EPYC: variants seen among roughly 807,000 people sequenced by gnomAD.
EPYC encodes the protein epiphycan.
EPYC carries 28 observed loss-of-function variants against 30.1 expected under a neutral mutation model. The ratio of observed to expected loss-of-function variants is 0.93; its 90% CI spans 0.69 to 1.28. The LOEUF (loss-of-function observed/expected upper bound fraction) is 1.28, where lower values mean the gene tolerates loss of function less well. EPYC is among the 50% of genes most tolerant of loss of function. The probability of loss-of-function intolerance (pLI) is 0.00; values close to 1 mark genes in which losing one functional copy is unlikely to be tolerated. For synonymous variants in EPYC, 144 were observed against 141.4 expected (o/e 1.02, Z -0.13); for missense variants, 382 against 383.5 (o/e 1.00, Z 0.03).
chr12:91,002,509 A>C lies in EPYC; in HGVS notation c.57T>G (p.Thr19=). ...AGTTGATGGACTCTAGAGTTGGGGC[A>C]GTCACAGCAGCATCAAAGATGACAA... ...LGLVIFDAAV[T]APTLESINYD... The change falls in exon 2 of 7, where the codon ACT becomes ACG. Residue 19 remains threonine, a synonymous_variant. Transcript: ENST00000261172. The C allele has an allele frequency of 6.2e-7, 1 of 1,613,374 alleles. No homozygotes were observed. Among genetic ancestry groups the C allele is most frequent in the East Asian group, 2.2e-5 (1 of 44,764 alleles).
intron 3 of EPYC, among the ~76,000 whole-genome samples, chr12:90,975,616 C>G (rs1324792684): frequency 6.6e-6 from 1 of 151,994 alleles, no homozygotes; most frequent in Non-Finnish European, 1.5e-5. Context: ...TTGACTCAAG[C>G]TTTTGAAAGG....
chr12:90,989,640 T>C (rs559849591), intron 2 of EPYC, among the ~76,000 whole-genome samples: 18 of 152,126 alleles, frequency 1.2e-4, no homozygotes, highest in Admixed American at 1.1e-3. Context: ...TAAGAGCTGA[T>C]TTTACAGTTT....
intron 2 of EPYC, among the ~76,000 whole-genome samples, chr12:90,980,077 G>A (rs1877290239): frequency 1.3e-5 from 2 of 152,152 alleles, no homozygotes; most frequent in African/African-American, 2.4e-5. Flanking sequence ...TCAGAATGAG[G>A]CAGATTCAGA....
intron 6 of EPYC, among the ~76,000 whole-genome samples, chr12:90,965,744 G>C (rs1164134667): frequency 6.6e-6 from 1 of 151,948 alleles, no homozygotes; most frequent in Non-Finnish European, 1.5e-5. Flanking sequence ...CACCTTAGTC[G>C]TAAGTCTTCT....
At chr12:90,992,744 ATTC>A (rs1877614276) in intron 2 of EPYC, among the ~76,000 whole-genome samples, 3 of 152,214 alleles carry the variant, frequency 2.0e-5, no homozygotes, top group South Asian at 2.1e-4. Flanking sequence ...TCCTAGTTCA[ATTC>A]TTCTTAAATC....
intron 6 of EPYC, among the ~76,000 whole-genome samples, chr12:90,965,266 T>C (rs1876866358): frequency 6.6e-6 from 1 of 152,220 alleles, no homozygotes. Flanking sequence ...TAATGGAAAT[T>C]TGAATTATTT....
intron 6 of EPYC, among the ~76,000 whole-genome samples, chr12:90,969,520 G>GT (rs1057408999): frequency 7.7e-5 from 5 of 64,780 alleles, no homozygotes; most frequent in African/African-American, 1.7e-4. Flanking sequence ...CAAATATGGT[G>GT]TTTAAAAAAA....
intron 3 of EPYC, among the ~76,000 whole-genome samples, chr12:90,974,769 G>A (rs1877144040): frequency 1.3e-5 from 2 of 152,146 alleles, no homozygotes; most frequent in Non-Finnish European, 2.9e-5. Context: ...TCTTTGTGAA[G>A]TAGGAAGTTA....
At chr12:91,004,623 A>C (rs892839998) in intron 1 of EPYC, among the ~76,000 whole-genome samples, 1 of 152,082 alleles carries the variant, frequency 6.6e-6, no homozygotes, top group Non-Finnish European at 1.5e-5. Flanking sequence ...ATATCAATCA[A>C]TAGTGCCTGT....
intron 2 of EPYC, among the ~76,000 whole-genome samples, chr12:90,983,370 C>A (rs1442402414): frequency 6.6e-6 from 1 of 152,112 alleles, no homozygotes; most frequent in African/African-American, 2.4e-5. Context: ...CCTTAGAATT[C>A]AGAGGCTAAA....
chr12:90,978,757 G>A (rs1316611308), intron 2 of EPYC, among the ~76,000 whole-genome samples: 1 of 151,780 alleles, frequency 6.6e-6, no homozygotes, highest in Admixed American at 6.6e-5. Flanking sequence ...GATTTCCTAG[G>A]TTCAAATATT....
chr12:90,995,449 A>G (rs750915851), intron 2 of EPYC, among the ~76,000 whole-genome samples: 1 of 152,048 alleles, frequency 6.6e-6, no homozygotes, highest in Admixed American at 6.6e-5. Flanking sequence ...AGTAAAGATA[A>G]AACAGAAGAA....
intron 2 of EPYC, among the ~76,000 whole-genome samples, chr12:90,998,752 A>T (rs1340552859): frequency 1.3e-5 from 2 of 152,158 alleles, no homozygotes; most frequent in African/African-American, 4.8e-5. Flanking sequence ...CCATAAACTT[A>T]GTAAAGCTAT....
intron 2 of EPYC, among the ~76,000 whole-genome samples, chr12:90,982,717 A>T (rs573398952): frequency 1.3e-4 from 20 of 152,194 alleles, no homozygotes; most frequent in Non-Finnish European, 2.2e-4. Flanking sequence ...TTTAGATTCC[A>T]CATACACTGA....
chr12:91,002,606 ATATT>A (rs1163952066), intron 1 of EPYC, 28 bp from the exon 2 acceptor site: 2 of 1,495,030 alleles, frequency 1.3e-6, no homozygotes, highest in East Asian at 4.9e-5. Context: ...AAATGCATAA[ATATT>A]TAATTGATAA....
rs762922414 is a variant in EPYC, at chr12:91,002,543, A to G, written c.23T>C (p.Val8Ala). Reference protein sequence around the residue: MKTLAGLVLGLVIFDAAV... With the variant: MKTLAGLALGLVIFDAAV... ...AGCATCAAAGATGACAAGTCCCAGA[A>G]CAAGTCCTGCTAATGTCTTCATTTT... The change falls in exon 2 of 7, where the codon GTT becomes GCT. Residue 8 changes from valine (V) to alanine (A), a missense_variant. By Grantham distance (64) the Val-to-Ala change is moderately conservative (BLOSUM62 0). Coordinates refer to ENST00000261172, the MANE Select transcript of EPYC (RefSeq NM_004950.5). The G allele has an allele frequency of 2.7e-5, 44 of 1,612,150 alleles. 2 individuals carry two copies. The South Asian group carries it at 4.6e-4, about 17-fold the overall frequency.
intron 3 of EPYC, among the ~76,000 whole-genome samples, chr12:90,974,816 T>C (rs1419444610): frequency 2.0e-5 from 3 of 152,078 alleles, no homozygotes; most frequent in African/African-American, 7.2e-5. Context: ...AGGGATGAGG[T>C]AAATAAGGAT....
intron 2 of EPYC, among the ~76,000 whole-genome samples, chr12:90,978,605 A>T (rs908212500): frequency 2.0e-5 from 3 of 152,224 alleles, no homozygotes; most frequent in Admixed American, 2.0e-4. Context: ...GAATGCATCA[A>T]TGTTGTGAAA....
intron 2 of EPYC, among the ~76,000 whole-genome samples, chr12:90,981,058 T>G (rs2120832925): frequency 6.6e-6 from 1 of 152,290 alleles, no homozygotes; most frequent in Non-Finnish European, 1.5e-5. Context: ...TGTAGATAAC[T>G]TATATCATGG....
Sources: allele counts gnomAD v4.1 joint callset (sites outside exome capture counted in the v4.1 genomes callset), GRCh38; gene constraint gnomAD v4.1.1; transcripts MANE v1.5; gene names NCBI Gene and HGNC (gene_info 2026-07-23, HGNC 2026-07-21).